LCLAT1: variants seen among roughly 807,000 people sequenced by gnomAD.
LCLAT1 encodes the protein 1-AGP acyltransferase 8.
A neutral mutation model predicts 30.7 loss-of-function variants in LCLAT1; 11 were observed. That is an observed-to-expected ratio of 0.36 (90% confidence interval 0.23 to 0.59). The LOEUF (loss-of-function observed/expected upper bound fraction) is 0.59, where lower values mean the gene tolerates loss of function less well. LCLAT1 is among the 20% of genes least tolerant of loss of function. The pLI, the probability that LCLAT1 is intolerant of heterozygous loss-of-function variation, is 0.77. For missense variants in LCLAT1, 402 were observed against 458.6 expected (o/e 0.88, Z 1.13); for synonymous variants, 155 against 151.3 (o/e 1.02, Z -0.18).
chr2:30,484,714 T>C (rs1005513866), intron 1 of LCLAT1, among the ~76,000 whole-genome samples: 7 of 152,168 alleles, frequency 4.6e-5, no homozygotes, highest in Non-Finnish European at 1.0e-4. Context: ...ACTATTATGA[T>C]CAGTGTTTAA....
chr2:30,610,391 C>T (rs754054861), intron 5 of LCLAT1, among the ~76,000 whole-genome samples: 11 of 152,184 alleles, frequency 7.2e-5, no homozygotes, highest in East Asian at 1.9e-4. Context: ...TCTAAGCTAA[C>T]GCTTTTCATT....
At chr2:30,557,841 G>T (rs6759818) in intron 3 of LCLAT1, among the ~76,000 whole-genome samples, 122,417 of 152,138 alleles carry the variant, frequency 0.8, 49,565 homozygotes, top group East Asian at 0.94. Context: ...TTGACTTTTT[G>T]TTATAGTACA....
Position 30,640,405 on chromosome 2 carries a change from T to C in LCLAT1, c.917T>C (p.Val306Ala). Reference protein sequence around the residue: ...PPCKSELRVLVVKLLSILYWT... With the variant: ...PPCKSELRVLAVKLLSILYWT... ...TGCAAGTCTGAACTCAGGGTCCTTG[T>C]GGTCAAATTGCTCTCTATACTGTAT... The change falls in exon 6 of 6, where the codon GTG (valine) becomes GCG (alanine). Residue 306 changes from valine to alanine, a missense_variant. Coordinates refer to ENST00000379509, the MANE Select transcript of LCLAT1 (RefSeq NM_001002257.3). 1 of 1,614,234 alleles carries C rather than the reference T, an allele frequency of 6.2e-7. No individual in the cohort carries two copies. Among genetic ancestry groups the C allele is most frequent in the Non-Finnish European group, 8.5e-7 (1 of 1,180,034 alleles).
chr2:30,590,744 C>T (rs953686767), intron 5 of LCLAT1, among the ~76,000 whole-genome samples: 9 of 151,730 alleles, frequency 5.9e-5, no homozygotes, highest in African/African-American at 1.5e-4. Flanking sequence ...ATTAAATATA[C>T]ATAGAAAACT....
intron 5 of LCLAT1, among the ~76,000 whole-genome samples, chr2:30,579,238 G>A (rs990968409): frequency 2.6e-5 from 4 of 152,128 alleles, no homozygotes; most frequent in African/African-American, 4.8e-5. Flanking sequence ...AGACTTGATA[G>A]ATTAATAGAG....
At chr2:30,553,842 A>G (rs767503487) in intron 3 of LCLAT1, among the ~76,000 whole-genome samples, 75 of 152,192 alleles carry the variant, frequency 4.9e-4, no homozygotes, top group Non-Finnish European at 8.4e-4. Flanking sequence ...AAGACAAATT[A>G]TATATGCTGA....
intron 1 of LCLAT1, among the ~76,000 whole-genome samples, chr2:30,456,201 G>A (rs112216313): frequency 0.04 from 6,092 of 152,252 alleles, 170 homozygotes; most frequent in Non-Finnish European, 0.06. Context: ...AAGTGTGGGA[G>A]TGTCAGCCCC....
chr2:30,589,035 A>C (rs1253534401), intron 5 of LCLAT1, among the ~76,000 whole-genome samples: 1 of 152,242 alleles, frequency 6.6e-6, no homozygotes, highest in Admixed American at 6.5e-5. Context: ...AACTTGATGG[A>C]CAAGATTTTG....
chr2:30,554,588 A>T lies in LCLAT1; in HGVS notation c.365-7558A>T, dbSNP rs559537717. Among the ~76,000 whole-genome samples the T allele has an allele frequency of 1.2e-3, 189 of 152,316 alleles. 1 individual carries two copies. The highest frequency in any genetic ancestry group is 2.3e-3 in the Non-Finnish European group (159 of 68,012). ...TAGGGATAATAATTTTACTTAATTCATAAGGTTGTCTTGAGAATTAATTGA... is the reference window on the plus strand; with the variant it reads ...TAGGGATAATAATTTTACTTAATTCTTAAGGTTGTCTTGAGAATTAATTGA... On this transcript the variant is annotated intron_variant, in intron 3 of 5. Transcript: ENST00000379509.
Position 30,473,024 on chromosome 2 carries a change from C to G in LCLAT1, c.-5+25641C>G, listed in dbSNP as rs909499248. ...TTGAAAAAAAAATGATTTGTTGTCT[C>G]TGAATATAGTTGATATTTGTGTACC... On this transcript the variant is annotated intron_variant, in intron 1 of 5. Transcript: ENST00000379509. 2.6e-5 allele frequency among the ~76,000 whole-genome samples: 4 copies of G among 152,066 alleles called. No homozygotes were observed. The South Asian group carries it at 8.3e-4, about 32-fold the overall frequency.
chr2:30,610,682 T>C lies in LCLAT1; in HGVS notation c.629-29435T>C, dbSNP rs1171811713. ...ACAATATGGATTCTGTTTTATATTATAATGTTGGAGCTTAGAGTTAGTACA... is the reference window on the plus strand; with the variant it reads ...ACAATATGGATTCTGTTTTATATTACAATGTTGGAGCTTAGAGTTAGTACA... On this transcript the variant is annotated intron_variant, in intron 5 of 5. Coordinates refer to ENST00000379509, the MANE Select transcript of LCLAT1 (RefSeq NM_001002257.3). Among the ~76,000 whole-genome samples, 3 of 152,144 alleles carry C rather than the reference T, an allele frequency of 2.0e-5. No individual in the cohort carries two copies. In the East Asian group the frequency reaches 5.8e-4, roughly 29 times the overall value.
At chr2:30,619,565 T>C (rs1391211361) in intron 5 of LCLAT1, among the ~76,000 whole-genome samples, 2 of 152,242 alleles carry the variant, frequency 1.3e-5, no homozygotes, top group Non-Finnish European at 2.9e-5. Flanking sequence ...GAATTTCTGG[T>C]TGTTTTCCTT....
At chr2:30,607,362 T>A (rs1279982643) in intron 5 of LCLAT1, 3 of 152,106 alleles carry the variant, frequency 2.0e-5, no homozygotes, top group African/African-American at 7.2e-5. Context: ...AGATGTCTTC[T>A]TGTGTACCTG....
chr2:30,463,138 T>C (rs1682248547), intron 1 of LCLAT1, among the ~76,000 whole-genome samples: 1 of 151,810 alleles, frequency 6.6e-6, no homozygotes, highest in Non-Finnish European at 1.5e-5. Flanking sequence ...ATAAGTAATA[T>C]TTATACATTT....
At chr2:30,628,548 T>C (rs1173467193) in intron 5 of LCLAT1, among the ~76,000 whole-genome samples, 1 of 152,140 alleles carries the variant, frequency 6.6e-6, no homozygotes, top group Non-Finnish European at 1.5e-5. Flanking sequence ...AGGAAAACAG[T>C]GTGATCTTGA....
At chr2:30,539,238 C>G (rs1021271547) in intron 3 of LCLAT1, among the ~76,000 whole-genome samples, 2 of 147,630 alleles carry the variant, frequency 1.4e-5, no homozygotes, top group Middle Eastern at 3.5e-3. Flanking sequence ...CTTGAGCCAC[C>G]GCGCCAGGCC....
intron 5 of LCLAT1, among the ~76,000 whole-genome samples, chr2:30,590,464 CCAAAAGGTAGT>C: frequency 6.7e-6 from 1 of 149,780 alleles, no homozygotes; most frequent in Non-Finnish European, 1.5e-5. Flanking sequence ...ATTTACCCTA[CCAAAAGGTAGT>C]AAACCTATTT....
At chr2:30,601,883 A>G (rs1667203779) in intron 5 of LCLAT1, among the ~76,000 whole-genome samples, 1 of 144,928 alleles carries the variant, frequency 6.9e-6, no homozygotes, top group Admixed American at 7.2e-5. Context: ...ATCTATAGAT[A>G]TATATATCTA....
chr2:30,473,980 C>T (rs829644), intron 1 of LCLAT1, among the ~76,000 whole-genome samples: 28 of 152,150 alleles, frequency 1.8e-4, no homozygotes, highest in African/African-American at 6.5e-4. Flanking sequence ...ATCTGAGTAT[C>T]AAACAACATC....
Sources: allele counts gnomAD v4.1 joint callset (sites outside exome capture counted in the v4.1 genomes callset), GRCh38; gene constraint gnomAD v4.1.1; transcripts MANE v1.5; gene names NCBI Gene and HGNC (gene_info 2026-07-23, HGNC 2026-07-21).